Variants in LRMDA observed in about 807,000 individuals in gnomAD.
LRMDA encodes the protein leucine-rich melanocyte differentiation-associated protein.
Under a neutral mutation model 29.8 loss-of-function variants are expected in LRMDA, and 18 were observed. The ratio of observed to expected loss-of-function variants is 0.60; its 90% CI spans 0.42 to 0.90. The LOEUF is 0.90. Ranked by LOEUF, LRMDA falls within the 40% of genes least tolerant of loss-of-function variation. The pLI is 0.00. For missense variants in LRMDA, 273 were observed against 273.9 expected, an observed-to-expected ratio of 1.00 and a Z score of 0.02; for synonymous variants, 125 against 109.4, an observed-to-expected ratio of 1.14 and a Z score of -0.89.
At chr10:76,150,906 A>C (rs112650429) in intron 5 of LRMDA, among the ~76,000 whole-genome samples, 2 of 152,288 alleles carry the variant, frequency 1.3e-5, no homozygotes, top group African/African-American at 4.8e-5. Context: ...TAAACCTTCG[A>C]GAGCTTGCGG....
In LRMDA at chr10:76,263,323, T is replaced by C. The variant is rs543990839; in HGVS notation, c.517-61078T>C. Among the ~76,000 whole-genome samples, 3 of 152,292 alleles carry C rather than the reference T, an allele frequency of 2.0e-5. No homozygotes were observed. In the East Asian group the frequency reaches 5.8e-4, roughly 29 times the overall value. On this transcript the variant is annotated intron_variant, in intron 5 of 6. Coordinates refer to ENST00000611255, the MANE Select transcript of LRMDA (RefSeq NM_001305581.2). ...TTTATCTCATTCTCTCTCTTTCTTATGCTTTTGCAAAAACTTTTTATCAGT... is the reference window on the plus strand; with the variant it reads ...TTTATCTCATTCTCTCTCTTTCTTACGCTTTTGCAAAAACTTTTTATCAGT...
chr10:75,543,843 C>T (rs1485196022), intron 2 of LRMDA, among the ~76,000 whole-genome samples: 1 of 152,134 alleles, frequency 6.6e-6, no homozygotes, highest in Non-Finnish European at 1.5e-5. Context: ...TGAAACATGA[C>T]AGTAAGCTGA....
intron 6 of LRMDA, among the ~76,000 whole-genome samples, chr10:76,385,929 A>G (rs1233752132): frequency 6.6e-6 from 1 of 152,334 alleles, no homozygotes; most frequent in African/African-American, 2.4e-5. Flanking sequence ...TGCTAATGAT[A>G]TATCTTAGTT....
chr10:76,238,696 C>G (rs540439393), intron 5 of LRMDA, among the ~76,000 whole-genome samples: 1 of 151,494 alleles, frequency 6.6e-6, no homozygotes, highest in South Asian at 2.1e-4. Context: ...ATGACAAACA[C>G]GGACAACATC....
chr10:76,474,423 T>C (rs1198922030), intron 6 of LRMDA, among the ~76,000 whole-genome samples: 2 of 151,584 alleles, frequency 1.3e-5, no homozygotes, highest in Admixed American at 1.3e-4. Context: ...AAGAACATCA[T>C]CAGGAGTGTG....
intron 2 of LRMDA, among the ~76,000 whole-genome samples, chr10:75,839,943 C>T (rs1440244705): frequency 2.0e-5 from 3 of 152,128 alleles, no homozygotes; most frequent in South Asian, 2.1e-4. Context: ...CTCCTGACCT[C>T]GTGATCCACC....
intron 2 of LRMDA, among the ~76,000 whole-genome samples, chr10:75,734,512 A>G (rs1339508330): frequency 6.6e-6 from 1 of 152,194 alleles, no homozygotes; most frequent in Non-Finnish European, 1.5e-5. Context: ...TTTAAGCTGT[A>G]AGAATTTGTT....
intron 2 of LRMDA, among the ~76,000 whole-genome samples, chr10:75,724,131 G>T (rs1320281001): frequency 6.6e-6 from 1 of 152,154 alleles, no homozygotes; most frequent in African/African-American, 2.4e-5. Context: ...CTTATGACAG[G>T]TAGACTCATG....
intron 5 of LRMDA, among the ~76,000 whole-genome samples, chr10:76,103,714 T>C (rs1369559084): frequency 2.0e-5 from 3 of 152,174 alleles, no homozygotes; most frequent in African/African-American, 4.8e-5. Flanking sequence ...TCTATCAGAG[T>C]TTGGGCTGCC....
intron 2 of LRMDA, among the ~76,000 whole-genome samples, chr10:75,976,308 G>A (rs1847069002): frequency 6.6e-6 from 1 of 152,210 alleles, no homozygotes; most frequent in African/African-American, 2.4e-5. Context: ...AACATTCTTG[G>A]TTAAGTTGGT....
chr10:75,808,476 C>T (rs1457996075), intron 2 of LRMDA, among the ~76,000 whole-genome samples: 1 of 152,142 alleles, frequency 6.6e-6, no homozygotes, highest in Non-Finnish European at 1.5e-5. Context: ...GCTAGAAAGT[C>T]ATCTTTCTAT....
At position 76,462,059 on chromosome 10, in the gene LRMDA, C is replaced by CAAA. The variant is rs386371868; in HGVS notation, c.602-95135_602-95133dup. ...GAGGACCACAGAGGGAACTCTGTCT[C>CAAA]AAAAAAAAAAAAAAAAACCACACAC... On this transcript the variant is annotated intron_variant, in intron 6 of 6. Coordinates refer to ENST00000611255, the MANE Select transcript of LRMDA (RefSeq NM_001305581.2). 7.9e-3 allele frequency among the ~76,000 whole-genome samples: 963 copies of CAAA among 122,080 alleles called. 15 individuals are homozygous for CAAA. The highest frequency in any genetic ancestry group is 0.055 in the Middle Eastern group (13 of 238). 80.1% of individuals were successfully genotyped at this position (122,080 alleles called of 152,430 possible).
chr10:76,410,132 T>G (rs964170776), intron 6 of LRMDA, among the ~76,000 whole-genome samples: 2 of 151,850 alleles, frequency 1.3e-5, no homozygotes, highest in African/African-American at 4.8e-5. Flanking sequence ...GAATTGTAGT[T>G]TGGCCAGAGA....
chr10:75,594,125 C>T (rs188566292), intron 2 of LRMDA, among the ~76,000 whole-genome samples: 3 of 152,298 alleles, frequency 2.0e-5, no homozygotes, highest in East Asian at 1.9e-4. Flanking sequence ...ATTGGAAGAC[C>T]GAAAATGTAG....
intron 6 of LRMDA, among the ~76,000 whole-genome samples, chr10:76,539,506 T>G (rs1843329153): frequency 6.6e-6 from 1 of 152,110 alleles, no homozygotes; most frequent in Admixed American, 6.6e-5. Flanking sequence ...CACCCTGAGT[T>G]GAGGTGATCT....
At chr10:75,927,640 G>A (rs753449875) in intron 2 of LRMDA, among the ~76,000 whole-genome samples, 1 of 152,230 alleles carries the variant, frequency 6.6e-6, no homozygotes, top group Non-Finnish European at 1.5e-5. Context: ...CCCAAAATGA[G>A]ACTGTAATCA....
At chr10:76,396,998 A>G (rs1841792389) in intron 6 of LRMDA, among the ~76,000 whole-genome samples, 1 of 152,024 alleles carries the variant, frequency 6.6e-6, no homozygotes, top group Non-Finnish European at 1.5e-5. Flanking sequence ...CTTTTCCCTC[A>G]ACTTGTCTGG....
chr10:75,661,390 C>G (rs1045892313), intron 2 of LRMDA, among the ~76,000 whole-genome samples: 1 of 152,148 alleles, frequency 6.6e-6, no homozygotes, highest in Non-Finnish European at 1.5e-5. Flanking sequence ...GCACGTTTAT[C>G]TGGTGGGGAT....
chr10:76,344,918 T>A, intron 6 of LRMDA, among the ~76,000 whole-genome samples: 2 of 143,438 alleles, frequency 1.4e-5, no homozygotes, highest in Non-Finnish European at 1.5e-5. Flanking sequence ...AAAAAAGAAA[T>A]CATACAAGTA....
Sources: allele counts gnomAD v4.1 joint callset (sites outside exome capture counted in the v4.1 genomes callset), GRCh38; gene constraint gnomAD v4.1.1; transcripts MANE v1.5; gene names NCBI Gene and HGNC (gene_info 2026-07-23, HGNC 2026-07-21).